Variants in DISC1 observed in about 807,000 individuals in gnomAD.
DISC1 encodes DISC1 scaffold protein, also known as disrupted in schizophrenia 1 protein.
A neutral mutation model predicts 84.5 loss-of-function variants in DISC1; 57 were observed. The ratio of observed to expected loss-of-function variants is 0.67; its 90% CI spans 0.55 to 0.84. The LOEUF (loss-of-function observed/expected upper bound fraction) is 0.84, where lower values mean the gene tolerates loss of function less well. DISC1 is among the 40% of genes least tolerant of loss of function. The probability of loss-of-function intolerance (pLI) is 0.00; values close to 1 mark genes in which losing one functional copy is unlikely to be tolerated. For synonymous variants in DISC1, 411 were observed against 415.2 expected (o/e 0.99, Z 0.12); for missense variants, 1,000 against 1,057.8 (o/e 0.95, Z 0.76).
At chr1:231,868,691 C>CT (rs1305509824) in intron 9 of DISC1, among the ~76,000 whole-genome samples, 5 of 90,200 alleles carry the variant, frequency 5.5e-5, no homozygotes, top group Non-Finnish European at 1.1e-4. Flanking sequence ...GACCCCATCT[C>CT]TTATATATAT....
At chr1:231,908,713 A>T (rs1207096719) in intron 9 of DISC1, among the ~76,000 whole-genome samples, 1 of 152,202 alleles carries the variant, frequency 6.6e-6, no homozygotes, top group Non-Finnish European at 1.5e-5. Context: ...GAAGAAAGTC[A>T]TTGGTAGCTT....
chr1:231,898,983 C>CAA (rs796315353), intron 9 of DISC1, among the ~76,000 whole-genome samples: 27 of 144,734 alleles, frequency 1.9e-4, no homozygotes, highest in African/African-American at 6.3e-4. Flanking sequence ...CCACAAAAAA[C>CAA]AAAAAAAAAA....
chr1:231,940,470 A>C (rs2091255948), intron 9 of DISC1, among the ~76,000 whole-genome samples: 1 of 152,204 alleles, frequency 6.6e-6, no homozygotes, highest in South Asian at 2.1e-4. Flanking sequence ...CTTAGGACCC[A>C]ATTTTTGAAA....
At chr1:231,953,316 G>A (rs1275857696) in intron 9 of DISC1, among the ~76,000 whole-genome samples, 1 of 152,154 alleles carries the variant, frequency 6.6e-6, no homozygotes, top group Non-Finnish European at 1.5e-5. Context: ...GCCCTTCAGT[G>A]TGAAATTTCA....
rs57262026 is a variant in DISC1 at position 231,711,357 on chromosome 1, C to CTT, written c.1117+9353_1117+9354dup. ...TTTATTTTTGTATGAGGACATATTT[C>CTT]TTTTTTTTTTTTTTTTTTTTTGAGA... On this transcript the variant is annotated intron_variant, in intron 3 of 12. Transcript: ENST00000439617. Among the ~76,000 whole-genome samples, 798 of 111,206 alleles carry CTT rather than the reference C, an allele frequency of 7.2e-3. 11 individuals are homozygous for CTT. The highest frequency in any genetic ancestry group is 0.016 in the African/African-American group (474 of 28,976). The allele number at this position is 111,206 out of a possible 152,430, so 73.0% of individuals were successfully genotyped here.
At chr1:231,936,423 T>C (rs1205781012) in intron 9 of DISC1, among the ~76,000 whole-genome samples, 2 of 152,116 alleles carry the variant, frequency 1.3e-5, no homozygotes, top group African/African-American at 2.4e-5. Flanking sequence ...TGTGACAGGG[T>C]AGGGTAGGTC....
intron 3 of DISC1, among the ~76,000 whole-genome samples, chr1:231,714,243 A>G (rs2068360168): frequency 6.6e-6 from 1 of 152,166 alleles, no homozygotes; most frequent in Admixed American, 6.6e-5. Context: ...TGAAACATGT[A>G]AATAGAGTTT....
At chr1:231,670,304 C>A (rs1357056175) in intron 1 of DISC1, among the ~76,000 whole-genome samples, 1 of 152,074 alleles carries the variant, frequency 6.6e-6, no homozygotes, top group Non-Finnish European at 1.5e-5. Flanking sequence ...GCACAACACA[C>A]CTCCATGACA....
chr1:231,790,224 C>T (rs1028329245), intron 6 of DISC1, among the ~76,000 whole-genome samples: 8 of 152,212 alleles, frequency 5.3e-5, no homozygotes, highest in Non-Finnish European at 7.3e-5. Context: ...GATCGTGAAG[C>T]ACCAGTGTGC....
At chr1:231,749,363 C>T (rs774143252) in intron 3 of DISC1, among the ~76,000 whole-genome samples, 1 of 152,144 alleles carries the variant, frequency 6.6e-6, no homozygotes, top group Non-Finnish European at 1.5e-5. Flanking sequence ...TATATTTATA[C>T]CTTGTGCTAG....
intron 9 of DISC1, among the ~76,000 whole-genome samples, chr1:231,857,727 A>G (rs1193458993): frequency 6.6e-6 from 1 of 152,258 alleles, no homozygotes; most frequent in South Asian, 2.1e-4. Context: ...GAATCAGCAC[A>G]GTCCAAATGC....
At chr1:231,731,935 TGTCAAGGAGACTGA>T (rs2071573254) in intron 3 of DISC1, among the ~76,000 whole-genome samples, 1 of 152,232 alleles carries the variant, frequency 6.6e-6, no homozygotes, top group Non-Finnish European at 1.5e-5. Flanking sequence ...TCTCTTTCAC[TGTCAAGGAGACTGA>T]GTCTTAGAGA....
chr1:231,849,832 GCA>G (rs2125895757), intron 9 of DISC1, among the ~76,000 whole-genome samples: 1 of 152,284 alleles, frequency 6.6e-6, no homozygotes, highest in African/African-American at 2.4e-5. Context: ...GAGCACATAT[GCA>G]GTTTCTCCTA....
chr1:231,671,018 G>A (rs1050130857), intron 1 of DISC1, among the ~76,000 whole-genome samples: 7 of 152,142 alleles, frequency 4.6e-5, no homozygotes, highest in South Asian at 2.1e-4. Flanking sequence ...GTTACTTGGC[G>A]TTGAATATTG....
intron 6 of DISC1, among the ~76,000 whole-genome samples, chr1:231,792,960 C>T (rs201385290): frequency 1.3e-5 from 2 of 152,170 alleles, no homozygotes; most frequent in Non-Finnish European, 2.9e-5. Context: ...CTCACTTCTT[C>T]CATTTGGGCT....
In DISC1 at chr1:231,740,561, C is replaced by T. The variant is rs148389317; in HGVS notation, c.1118-9365C>T. Among the ~76,000 whole-genome samples the T allele has an allele frequency of 1.5e-4, 23 of 152,284 alleles. 1 individual carries two copies. Among genetic ancestry groups the T allele is most frequent in the African/African-American group, 3.8e-4 (16 of 41,572 alleles). ...CAGAGGTTTGGACTTTGTTCTGCAG[C>T]GCACATGGAGTCCTCCAGGCCTTTG... On this transcript the variant is annotated intron_variant, in intron 3 of 12. Coordinates refer to ENST00000439617, the MANE Select transcript of DISC1 (RefSeq NM_018662.3).
chr1:231,868,636 T>A (rs1257663694), intron 9 of DISC1, among the ~76,000 whole-genome samples: 1 of 148,528 alleles, frequency 6.7e-6, no homozygotes, highest in East Asian at 2.0e-4. Context: ...GACGTGGGGA[T>A]CACTTGAGGC....
chr1:231,960,678 G>T (rs1293514011), intron 10 of DISC1, among the ~76,000 whole-genome samples: 2 of 152,164 alleles, frequency 1.3e-5, no homozygotes, highest in South Asian at 4.1e-4. Flanking sequence ...ATACATGAGG[G>T]TTTCTCCCCA....
At chr1:231,982,878 A>G (rs1233660037) in intron 10 of DISC1, among the ~76,000 whole-genome samples, 1 of 152,240 alleles carries the variant, frequency 6.6e-6, no homozygotes, top group Non-Finnish European at 1.5e-5. Context: ...AGATCAGGAC[A>G]CAGAAACCAC....
Sources: gnomAD v4.1 joint callset for allele counts (sites outside exome capture counted in the v4.1 genomes callset) on GRCh38, gnomAD v4.1.1 for gene constraint, MANE v1.5 for transcripts, NCBI Gene and HGNC (gene_info 2026-07-23, HGNC 2026-07-21) for gene names.